The following AFAP1 variants were observed in gnomAD, a reference collection of about 807,000 sequenced individuals.
AFAP1 encodes actin filament-associated protein 1.
In AFAP1, 75 loss-of-function variants were observed where a neutral mutation model predicts 93.9. The observed-to-expected ratio is 0.80, with a 90% CI of 0.66 to 0.97. The LOEUF (loss-of-function observed/expected upper bound fraction) is 0.97. AFAP1 is among the 50% of genes least tolerant of loss of function. The pLI is 0.00. For missense variants in AFAP1, 1,201 were observed against 1,050.8 expected (o/e 1.14, Z -1.98); for synonymous variants, 517 against 430.7 (o/e 1.20, Z -2.48).
chr4:7,910,800 G>T (rs1202359109), intron 1 of AFAP1, among the ~76,000 whole-genome samples: 2 of 152,222 alleles, frequency 1.3e-5, no homozygotes, highest in Admixed American at 6.5e-5. Context: ...ATCTCTGCTG[G>T]AGGTGAGTAT....
Position 7,781,603 on chromosome 4 carries a change from C to T in AFAP1, c.1555G>A (p.Ala519Thr). ...GSWEPEDGFPASCSRGLGEEV... is the reference protein window; with the variant it reads ...GSWEPEDGFPTSCSRGLGEEV... ...TCTCCCAAGCCTCTGCTGCAGGAAGCAGGAAAGCCGTCTTCCGGTTCCCAC... is the reference window on the plus strand; with the variant it reads ...TCTCCCAAGCCTCTGCTGCAGGAAGTAGGAAAGCCGTCTTCCGGTTCCCAC... The change falls in exon 13 of 18, where the codon GCT becomes ACT. Residue 519 changes from alanine (A) to threonine (T), a missense_variant. Physicochemically the swap from Ala to Thr is moderately conservative, Grantham distance 58. Coordinates refer to ENST00000420658, the MANE Select transcript of AFAP1 (RefSeq NM_001134647.2). 13 of 1,551,792 alleles carry T rather than the reference C, an allele frequency of 8.4e-6. No individual in the cohort carries two copies. Among genetic ancestry groups the T allele is most frequent in the Non-Finnish European group, 1.1e-5 (13 of 1,147,016 alleles).
intron 1 of AFAP1, among the ~76,000 whole-genome samples, chr4:7,908,318 A>C (rs1719543782): frequency 6.6e-6 from 1 of 152,184 alleles, no homozygotes; most frequent in African/African-American, 2.4e-5. Flanking sequence ...CCTTTATCTT[A>C]ATACTCGCCA....
At chr4:7,881,064 C>G (rs1240349262) in intron 1 of AFAP1, among the ~76,000 whole-genome samples, 1 of 152,200 alleles carries the variant, frequency 6.6e-6, no homozygotes, top group African/African-American at 2.4e-5. Context: ...TGTGATCCTT[C>G]CCATATGGTT....
At chr4:7,812,536 A>C in intron 8 of AFAP1, among the ~76,000 whole-genome samples, 1 of 152,320 alleles carries the variant, frequency 6.6e-6, no homozygotes, top group South Asian at 2.1e-4. Context: ...ACTTGATGCT[A>C]TGTATCAAAC....
chr4:7,798,150 C>A (rs1718631057), intron 10 of AFAP1, among the ~76,000 whole-genome samples: 1 of 112,412 alleles, frequency 8.9e-6, no homozygotes, highest in Non-Finnish European at 2.0e-5. Flanking sequence ...TTGGCTGGCT[C>A]ACGGCACTGC....
chr4:7,845,980 A>G (rs1481342213), intron 4 of AFAP1, among the ~76,000 whole-genome samples: 1 of 152,196 alleles, frequency 6.6e-6, no homozygotes, highest in Non-Finnish European at 1.5e-5. Context: ...GGAAGACAGC[A>G]CAGAAGATGT....
chr4:7,788,301 C>T (rs1226528199), intron 11 of AFAP1, among the ~76,000 whole-genome samples: 2 of 152,234 alleles, frequency 1.3e-5, no homozygotes, highest in African/African-American at 4.8e-5. Context: ...GGGAGAGAAA[C>T]ACAGGGGCAA....
At chr4:7,798,208 C>A (rs558827629) in intron 10 of AFAP1, among the ~76,000 whole-genome samples, 1 of 120,434 alleles carries the variant, frequency 8.3e-6, no homozygotes, top group African/African-American at 3.2e-5. Context: ...GGCTGGCTCA[C>A]GGCACTGCAA....
chr4:7,911,520 C>T (rs1395118866), intron 1 of AFAP1, among the ~76,000 whole-genome samples: 3 of 152,210 alleles, frequency 2.0e-5, no homozygotes, highest in Non-Finnish European at 2.9e-5. Context: ...ACATGCTTTA[C>T]GGATTGCACA....
At chr4:7,881,387 A>G (rs1001784960) in intron 1 of AFAP1, among the ~76,000 whole-genome samples, 19 of 151,744 alleles carry the variant, frequency 1.3e-4, no homozygotes, top group African/African-American at 4.4e-4. Flanking sequence ...GCCAATGCCA[A>G]TGAGCACAGC....
chr4:7,858,116 T>C (rs933082298), intron 3 of AFAP1, among the ~76,000 whole-genome samples: 5 of 152,216 alleles, frequency 3.3e-5, no homozygotes, highest in Non-Finnish European at 5.9e-5. Context: ...GGCCAGTGCA[T>C]GTGTACAGCC....
intron 11 of AFAP1, among the ~76,000 whole-genome samples, chr4:7,790,159 A>G (rs78650051): frequency 6.6e-6 from 1 of 152,306 alleles, no homozygotes; most frequent in African/African-American, 2.4e-5. Context: ...AATATTCATC[A>G]CACTGGCAAG....
At chr4:7,844,780 A>C (rs148879026) in intron 4 of AFAP1, among the ~76,000 whole-genome samples, 1 of 152,368 alleles carries the variant, frequency 6.6e-6, no homozygotes, top group East Asian at 1.9e-4. Context: ...CATTACTTTC[A>C]GCTGCGCTGG....
At chr4:7,840,898 T>C (rs995167288) in intron 5 of AFAP1, among the ~76,000 whole-genome samples, 5 of 152,234 alleles carry the variant, frequency 3.3e-5, no homozygotes, top group African/African-American at 1.2e-4. Flanking sequence ...TACATATTTA[T>C]GGGGTACAGA....
chr4:7,827,149 C>T (rs1721494128), intron 6 of AFAP1, among the ~76,000 whole-genome samples: 1 of 151,958 alleles, frequency 6.6e-6, no homozygotes, highest in South Asian at 2.1e-4. Context: ...GACCCGTAAG[C>T]CCGAGTACAG....
chr4:7,895,520 T>C (rs1258361716), intron 1 of AFAP1, among the ~76,000 whole-genome samples: 1 of 152,204 alleles, frequency 6.6e-6, no homozygotes, highest in African/African-American at 2.4e-5. Context: ...TCAAAATCTG[T>C]AGCTATTCCC....
chr4:7,884,610 G>T (rs1315448014), intron 1 of AFAP1, among the ~76,000 whole-genome samples: 1 of 152,038 alleles, frequency 6.6e-6, no homozygotes, highest in Non-Finnish European at 1.5e-5. Context: ...TAATAACTGG[G>T]GTTGGGACAA....
At chr4:7,837,679 TGGGCTGGAAA>T (rs1233686403) in intron 6 of AFAP1, among the ~76,000 whole-genome samples, 1 of 151,922 alleles carries the variant, frequency 6.6e-6, no homozygotes, top group African/African-American at 2.4e-5. Context: ...ACAGAAATAA[TGGGCTGGAAA>T]GGAACAAGAA....
chr4:7,809,189 T>TC (rs1719795790), intron 9 of AFAP1, among the ~76,000 whole-genome samples: 1 of 151,926 alleles, frequency 6.6e-6, no homozygotes, highest in South Asian at 2.1e-4. Context: ...TAGGTATATC[T>TC]CCTAATGCTA....
Sources: allele counts gnomAD v4.1 joint callset (sites outside exome capture counted in the v4.1 genomes callset), GRCh38; gene constraint gnomAD v4.1.1; transcripts MANE v1.5; gene names NCBI Gene and HGNC (gene_info 2026-07-23, HGNC 2026-07-21).